The following BANK1 variants were observed in gnomAD, a reference collection of about 807,000 sequenced individuals.
BANK1 encodes the protein B cell scaffold protein with ankyrin repeats 1.
BANK1 carries 95 observed loss-of-function variants against 94.5 expected under a neutral mutation model. The ratio of observed to expected loss-of-function variants is 1.00; its 90% CI spans 0.85 to 1.19. The LOEUF is 1.19. Among genes scored for constraint, BANK1 ranks in the 50% most tolerant of loss-of-function variants. BANK1 has a pLI of 0.00. For missense variants in BANK1, 987 were observed against 932.2 expected (o/e 1.06, Z -0.77); for synonymous variants, 334 against 308.4 (o/e 1.08, Z -0.87).
intron 1 of BANK1, among the ~76,000 whole-genome samples, chr4:101,825,511 A>G (rs1726328945): frequency 6.6e-6 from 1 of 152,112 alleles, no homozygotes; most frequent in Non-Finnish European, 1.5e-5. Flanking sequence ...ATATGAAAAG[A>G]AAGAAAGTCA....
intron 13 of BANK1, 141 bp downstream of exon 13, chr4:102,063,279 T>G: frequency 1.5e-6 from 1 of 681,608 alleles, no homozygotes; most frequent in Non-Finnish European, 2.5e-6. Flanking sequence ...TCTTAATCTC[T>G]GGTAGTCAAA....
At position 101,830,225 on chromosome 4, in the gene BANK1, G is replaced by T. The variant is rs200605107; in HGVS notation, c.469+19G>T. The stretch of plus-strand genomic sequence containing the variant: ...TTCAAAGGTAGTGTTGCCAAACCTT[G>T]TTTGTTTTATTTTTATTTGTTTTTT... On this transcript the variant is annotated intron_variant, in intron 2 of 16. Coordinates refer to ENST00000322953, the MANE Select transcript of BANK1 (RefSeq NM_017935.5). 5.7e-5 allele frequency: 80 copies of T among 1,413,450 alleles called. No homozygotes were observed. Among genetic ancestry groups the T allele is most frequent in the Admixed American group, 1.7e-4 (6 of 36,046 alleles). The allele number at this position is 1,413,450 out of a possible 1,614,324, so 87.6% of individuals were successfully genotyped here. A position where few individuals can be genotyped will look rare whatever the true frequency, so the allele number is the denominator to read the frequency against.
intron 2 of BANK1, among the ~76,000 whole-genome samples, chr4:101,840,054 C>T (rs796608989): frequency 2.3e-3 from 313 of 135,590 alleles, no homozygotes; most frequent in African/African-American, 8.2e-3. Flanking sequence ...CTGCAAGCTC[C>T]GCCTCCCGGG....
intron 1 of BANK1, among the ~76,000 whole-genome samples, chr4:101,824,389 C>T (rs1560588911): frequency 1.3e-5 from 2 of 152,216 alleles, no homozygotes; most frequent in Non-Finnish European, 2.9e-5. Flanking sequence ...ACAGATTATA[C>T]AGGAAACACT....
intron 10 of BANK1, among the ~76,000 whole-genome samples, chr4:102,034,793 T>C (rs947567189): frequency 1.3e-5 from 2 of 152,196 alleles, no homozygotes; most frequent in African/African-American, 4.8e-5. Flanking sequence ...TTTCCCAAAG[T>C]GATAAAACCA....
rs546081150 is a variant in BANK1 at position 101,998,426 on chromosome 4, A to G, written c.1207-23088A>G. Among the ~76,000 whole-genome samples the G allele has an allele frequency of 9.9e-5, 15 of 152,270 alleles. No individual in the cohort carries two copies. In the South Asian group the frequency reaches 1.7e-3, roughly 17 times the overall value. On this transcript the variant is annotated intron_variant, in intron 7 of 16. Coordinates refer to ENST00000322953, the MANE Select transcript of BANK1 (RefSeq NM_017935.5). ...CCAGTGGAGAGTTCTGTAGATGTCTATTAGGTCCGTTTGGTCCAGAGCCCT... is the reference window on the plus strand; with the variant it reads ...CCAGTGGAGAGTTCTGTAGATGTCTGTTAGGTCCGTTTGGTCCAGAGCCCT...
At chr4:102,044,549 T>C (rs1727814226) in intron 11 of BANK1, among the ~76,000 whole-genome samples, 1 of 134,160 alleles carries the variant, frequency 7.5e-6, no homozygotes, top group South Asian at 2.7e-4. Context: ...ATATACCCAG[T>C]AATGGGATGG....
rs77391452 is a variant in BANK1 at position 101,991,378 on chromosome 4, C to T, written c.1207-30136C>T. Among the ~76,000 whole-genome samples, 709 of 152,326 alleles carry T rather than the reference C, an allele frequency of 4.7e-3. 13 individuals are homozygous for T. In the East Asian group the frequency reaches 0.056, roughly 12 times the overall value. ...AAGATAAATACTACTAGCAGGCAAG[C>T]CTGCTCACACTGTCTCAAATAAGCT... On this transcript the variant is annotated intron_variant, in intron 7 of 16. Transcript: ENST00000322953.
At chr4:102,059,482 G>C (rs1170852756) in intron 11 of BANK1, among the ~76,000 whole-genome samples, 1 of 152,176 alleles carries the variant, frequency 6.6e-6, no homozygotes, top group Non-Finnish European at 1.5e-5. Flanking sequence ...CAGTAACCTA[G>C]AGAGTACATA....
intron 2 of BANK1, among the ~76,000 whole-genome samples, chr4:101,848,489 A>G (rs907851049): frequency 2.0e-5 from 3 of 152,152 alleles, no homozygotes; most frequent in African/African-American, 7.2e-5. Flanking sequence ...GTCATCACTA[A>G]AAACACTCCA....
In BANK1 at chr4:102,007,066, T is replaced by TTTTATATATATAAATATATATAATATA; in HGVS notation, c.1207-14436_1207-14435insAATATATATAATATATTTATATATATA. 1.4e-4 allele frequency among the ~76,000 whole-genome samples: 14 copies of TTTTATATATATAAATATATATAATATA among 99,156 alleles called. 1 individual carries two copies. Among genetic ancestry groups the TTTTATATATATAAATATATATAATATA allele is most frequent in the African/African-American group, 3.7e-4 (9 of 24,602 alleles). The allele number at this position is 99,156 out of a possible 152,430, so 65.1% of individuals were successfully genotyped here. A position where few individuals can be genotyped will look rare whatever the true frequency, so the allele number is the denominator to read the frequency against. ...ATATATATATATATAAAATATATAATTTTATATATATATAAATATATATAT... is the reference window on the plus strand; with the variant it reads ...ATATATATATATATAAAATATATAATTTTATATATATAAATATATATAATATATTTATATATATATAAATATATATAT... On this transcript the variant is annotated intron_variant, in intron 7 of 16. Transcript: ENST00000322953.
rs1007742558 is a variant in BANK1, at chr4:101,790,802, C to CG, written c.-75dup. On this transcript the variant is annotated 5_prime_UTR_variant, in exon 1 of 17. Coordinates refer to ENST00000322953, the MANE Select transcript of BANK1 (RefSeq NM_017935.5). ...CGAGGGCCAAAGGAAGAGAAAATCG[C>CG]GGGGAGTCTCTGGCCGGGAGAGTCC... 4 of 1,407,552 alleles carry CG rather than the reference C, an allele frequency of 2.8e-6. No individual in the cohort carries two copies. In the African/African-American group the frequency reaches 5.7e-5, roughly 20 times the overall value. 87.2% of individuals were successfully genotyped at this position (1,407,552 alleles called of 1,614,324 possible).
chr4:101,982,874 T>C (rs534770831), intron 7 of BANK1, among the ~76,000 whole-genome samples: 1 of 151,620 alleles, frequency 6.6e-6, no homozygotes, highest in East Asian at 1.9e-4. Flanking sequence ...TCTAAGGCTA[T>C]ATATATATAT....
intron 7 of BANK1, among the ~76,000 whole-genome samples, chr4:101,928,766 G>A (rs1723245135): frequency 2.0e-5 from 3 of 151,620 alleles, no homozygotes; most frequent in East Asian, 2.0e-4. Flanking sequence ...GGACCACGTC[G>A]CTAAATAAGC....
chr4:101,971,838 G>C (rs922290768), intron 7 of BANK1, among the ~76,000 whole-genome samples: 1 of 151,922 alleles, frequency 6.6e-6, no homozygotes, highest in Non-Finnish European at 1.5e-5. Context: ...TGTTCCATTC[G>C]TTGATACCTT....
At chr4:102,058,153 A>G (rs988788229) in intron 11 of BANK1, among the ~76,000 whole-genome samples, 3 of 152,094 alleles carry the variant, frequency 2.0e-5, no homozygotes, top group Non-Finnish European at 2.9e-5. Flanking sequence ...CAAATTTTCA[A>G]TAAAGTCCTT....
chr4:102,072,279 A>G (rs1422613567), intron 14 of BANK1, 66 bp from the exon 15 acceptor site: 15 of 1,252,654 alleles, frequency 1.2e-5, no homozygotes, highest in African/African-American at 3.0e-5. Context: ...TTTAAGAAGT[A>G]CTGAATAAAT....
intron 7 of BANK1, among the ~76,000 whole-genome samples, chr4:101,933,357 A>G: frequency 6.6e-6 from 1 of 150,936 alleles, no homozygotes; most frequent in African/African-American, 2.4e-5. Context: ...CACTGGCAGT[A>G]ATTTCTTTTC....
chr4:102,022,463 C>G (rs572566358), intron 8 of BANK1, among the ~76,000 whole-genome samples: 1 of 152,150 alleles, frequency 6.6e-6, no homozygotes, highest in East Asian at 1.9e-4. Context: ...TTATCCTAGT[C>G]CACACCATCA....
Sources: allele counts gnomAD v4.1 joint callset (sites outside exome capture counted in the v4.1 genomes callset), GRCh38; gene constraint gnomAD v4.1.1; transcripts MANE v1.5; gene names NCBI Gene and HGNC (gene_info 2026-07-23, HGNC 2026-07-21).